The following FBN2 variants were observed in gnomAD, a reference collection of about 807,000 sequenced individuals.
FBN2 encodes fibrillin 2.
FBN2 carries 105 observed loss-of-function variants against 355.6 expected under a neutral mutation model. The observed-to-expected ratio is 0.30, with a 90% CI of 0.25 to 0.35. The LOEUF (loss-of-function observed/expected upper bound fraction) is 0.35. Ranked by LOEUF, FBN2 falls within the 10% of genes least tolerant of loss-of-function variation. The pLI is 1.00. For synonymous variants in FBN2, 1,350 were observed against 1,301.2 expected, an observed-to-expected ratio of 1.04 and a Z score of -0.81; for missense variants, 3,280 against 3,758.7, an observed-to-expected ratio of 0.87 and a Z score of 3.33.
chr5:128,291,618 A>C lies in FBN2; in HGVS notation c.6203T>G (p.Leu2068Arg), dbSNP rs751662222. The change falls in exon 49 of 65, where the codon CTT (leucine) becomes CGT (arginine). Residue 2068 changes from leucine to arginine, a missense_variant. Physicochemically the swap from Leu to Arg is moderately radical, Grantham distance 102 (BLOSUM62 -2). Transcript: ENST00000262464. ...NECDEDPNICLFGSCTNTPGG... is the reference protein window; with the variant it reads ...NECDEDPNICRFGSCTNTPGG... Reference sequence around the variant, plus strand: ...TGGAGTATTAGTACAGGAACCAAAAAGACAAATGTTGGGATCTTCATCACA... The same window carrying C: ...TGGAGTATTAGTACAGGAACCAAAACGACAAATGTTGGGATCTTCATCACA... 2.5e-6 allele frequency: 4 copies of C among 1,613,830 alleles called. No individual in the cohort carries two copies. Among genetic ancestry groups the C allele is most frequent in the Non-Finnish European group, 3.4e-6 (4 of 1,179,716 alleles).
intron 2 of FBN2, among the ~76,000 whole-genome samples, chr5:128,531,591 T>C (rs1756706792): frequency 6.6e-6 from 1 of 152,044 alleles, no homozygotes; most frequent in Admixed American, 6.5e-5. Context: ...CATATGTAAG[T>C]AAACGTTACA....
intron 33 of FBN2, among the ~76,000 whole-genome samples, 159 bp downstream of exon 33, chr5:128,330,414 G>C (rs900335267): frequency 6.6e-6 from 1 of 152,198 alleles, no homozygotes; most frequent in African/African-American, 2.4e-5. Context: ...AGGTTTTTGT[G>C]TTTAATGTAA....
chr5:128,306,576 C>T (rs1290322187), intron 42 of FBN2, among the ~76,000 whole-genome samples: 2 of 151,932 alleles, frequency 1.3e-5, no homozygotes, highest in South Asian at 2.1e-4. Context: ...GAGCTGAGAT[C>T]GCGCCATTGC....
intron 5 of FBN2, among the ~76,000 whole-genome samples, chr5:128,492,367 A>G (rs57436818): frequency 0.032 from 4,917 of 152,312 alleles, 262 homozygotes; most frequent in African/African-American, 0.11. Flanking sequence ...CATGTAGGTA[A>G]TAAATATGAT....
chr5:128,468,586 T>G (rs1019089186), intron 5 of FBN2, among the ~76,000 whole-genome samples: 36 of 152,358 alleles, frequency 2.4e-4, no homozygotes, highest in African/African-American at 8.7e-4. Flanking sequence ...TCCTCAGCAA[T>G]GTATGAGGGT....
chr5:128,267,347 T>C (rs989547631), intron 62 of FBN2, among the ~76,000 whole-genome samples: 13 of 152,212 alleles, frequency 8.5e-5, no homozygotes, highest in Non-Finnish European at 1.2e-4. Context: ...AGTAATGGGA[T>C]TGCTGGGTCA....
chr5:128,277,617 A>T (rs1463459801), intron 58 of FBN2, among the ~76,000 whole-genome samples: 1 of 152,120 alleles, frequency 6.6e-6, no homozygotes, highest in South Asian at 2.1e-4. Flanking sequence ...GAAACTTAAG[A>T]GTTTCTCTGT....
chr5:128,273,144 A>G (rs1211619728), intron 61 of FBN2, among the ~76,000 whole-genome samples: 3 of 152,232 alleles, frequency 2.0e-5, no homozygotes, highest in South Asian at 4.1e-4. Context: ...AAATAAATAT[A>G]GTCTCATAAT....
chr5:128,357,833 T>A (rs32238), intron 19 of FBN2, among the ~76,000 whole-genome samples: 1 of 152,036 alleles, frequency 6.6e-6, no homozygotes, highest in African/African-American at 2.4e-5. Flanking sequence ...TTCCAAGCTC[T>A]TGGGTATGAA....
intron 8 of FBN2, among the ~76,000 whole-genome samples, chr5:128,399,832 GA>G (rs1752749091): frequency 6.6e-6 from 1 of 151,902 alleles, no homozygotes; most frequent in Non-Finnish European, 1.5e-5. Flanking sequence ...ACAAATAGGA[GA>G]AAGAGAATCG....
At chr5:128,268,658 A>G (rs575404451) in intron 62 of FBN2, among the ~76,000 whole-genome samples, 2 of 152,366 alleles carry the variant, frequency 1.3e-5, no homozygotes, top group South Asian at 4.1e-4. Context: ...CCAGCAGCAC[A>G]TCAAAAAACT....
intron 5 of FBN2, among the ~76,000 whole-genome samples, chr5:128,485,857 G>T (rs1215347490): frequency 6.6e-6 from 1 of 152,122 alleles, no homozygotes; most frequent in Non-Finnish European, 1.5e-5. Context: ...AGGACTTCTT[G>T]AAGTGGCCTT....
At chr5:128,313,560 G>A (rs758445417) in intron 36 of FBN2, among the ~76,000 whole-genome samples, 25 of 151,636 alleles carry the variant, frequency 1.6e-4, no homozygotes, top group Admixed American at 1.3e-4. Context: ...CAGGCCCTAA[G>A]CTTTGACATC....
chr5:128,519,527 CTTAAA>C (rs1756373844), intron 4 of FBN2, among the ~76,000 whole-genome samples, 159 bp from the exon 5 acceptor site: 2 of 152,134 alleles, frequency 1.3e-5, no homozygotes, highest in South Asian at 4.1e-4. Context: ...AAGTTCACAT[CTTAAA>C]TTTAAGTAAA....
In FBN2 at chr5:128,334,765, G is replaced by C. The variant is rs1396724260; in HGVS notation, c.4053C>G (p.His1351Gln). 1.2e-6 allele frequency: 2 copies of C among 1,613,860 alleles called. No homozygotes were observed. The highest frequency in any genetic ancestry group is 1.7e-6 in the Non-Finnish European group (2 of 1,179,818). The change falls in exon 31 of 65, where the codon CAC becomes CAG. Residue 1351 changes from histidine to glutamine, a missense_variant. By Grantham distance (24) the His-to-Gln change is conservative (BLOSUM62 0). Coordinates refer to ENST00000262464, the MANE Select transcript of FBN2 (RefSeq NM_001999.4). ...CENTKGSFIC[H>Q]CQLGYSVKKG... ...TCTTCACTGAGTAACCCAGCTGACA[G>C]TGGCAAATGAAGGATCCCTTTGTGT...
intron 19 of FBN2, among the ~76,000 whole-genome samples, chr5:128,359,775 A>G (rs1423587015): frequency 6.6e-6 from 1 of 152,056 alleles, no homozygotes; most frequent in Admixed American, 6.6e-5. Flanking sequence ...CAAATGTTAC[A>G]CTATTAAACA....
At chr5:128,316,648 T>C (rs762909891) in intron 36 of FBN2, among the ~76,000 whole-genome samples, 69 of 152,240 alleles carry the variant, frequency 4.5e-4, no homozygotes, top group African/African-American at 1.4e-3. Context: ...TCAAGGCTCA[T>C]GTCCCCACCA....
intron 44 of FBN2, 134 bp downstream of exon 44, chr5:128,305,377 G>T (rs1749839484): frequency 4.0e-6 from 4 of 998,668 alleles, no homozygotes; most frequent in Non-Finnish European, 6.3e-6. Flanking sequence ...TAAAAGATAT[G>T]GTGAAATAGG....
At chr5:128,376,899 C>A (rs542618046) in intron 13 of FBN2, 46 bp from the exon 14 acceptor site, 5 of 1,608,554 alleles carry the variant, frequency 3.1e-6, no homozygotes, top group South Asian at 1.1e-5. Flanking sequence ...CTTGAGGGAA[C>A]CAATTCCTTC....
Sources: gnomAD v4.1 joint callset for allele counts (sites outside exome capture counted in the v4.1 genomes callset) on GRCh38, gnomAD v4.1.1 for gene constraint, MANE v1.5 for transcripts, NCBI Gene and HGNC (gene_info 2026-07-23, HGNC 2026-07-21) for gene names.